ARMH1: variants seen among roughly 807,000 people sequenced by gnomAD.
ARMH1 encodes the protein armadillo-like helical domain containing protein 1.
In ARMH1, 34 loss-of-function variants were observed where a neutral mutation model predicts 50.2. The ratio of observed to expected loss-of-function variants is 0.68; its 90% CI spans 0.51 to 0.90. The LOEUF is 0.90. ARMH1 is among the 40% of genes least tolerant of loss of function. The pLI is 0.00. For missense variants in ARMH1, 538 were observed against 553.9 expected, an observed-to-expected ratio of 0.97 and a Z score of 0.29; for synonymous variants, 221 against 224.2, an observed-to-expected ratio of 0.99 and a Z score of 0.13.
intron 3 of ARMH1, 42 bp from the exon 4 acceptor site, chr1:44,698,021 T>C: frequency 1.3e-6 from 2 of 1,481,622 alleles, no homozygotes; most frequent in Non-Finnish European, 1.8e-6. Flanking sequence ...GCAAAGGAAC[T>C]TGACAAGAGT....
At chr1:44,712,571 T>G (rs1646661891) in intron 6 of ARMH1, among the ~76,000 whole-genome samples, 1 of 149,864 alleles carries the variant, frequency 6.7e-6, no homozygotes, top group Admixed American at 6.6e-5. Context: ...CAGACAACAT[T>G]GTTAAGATTA....
chr1:44,707,153 A>G (rs1646381251), intron 6 of ARMH1, among the ~76,000 whole-genome samples: 1 of 145,646 alleles, frequency 6.9e-6, no homozygotes, highest in Non-Finnish European at 1.5e-5. Context: ...TTCCCCTTAC[A>G]TAGACTGTGT....
chr1:44,698,276 A>T, intron 4 of ARMH1, 47 bp downstream of exon 4: 2 of 1,479,768 alleles, frequency 1.4e-6, no homozygotes, highest in South Asian at 1.4e-5. Context: ...GGCCTGAATG[A>T]CATGGTGGCA....
At chr1:44,718,852 C>T (rs554718332) in intron 6 of ARMH1, among the ~76,000 whole-genome samples, 3 of 151,990 alleles carry the variant, frequency 2.0e-5, no homozygotes, top group South Asian at 2.1e-4. Context: ...TGGAGAAACC[C>T]GTCTCTACTG....
rs1403452987 is a variant in ARMH1, at chr1:44,689,920, AG to A, written c.206+18del. The stretch of plus-strand genomic sequence containing the variant: ...TAGAATCACGTATCCTTTACTGAAC[AG>A]AAAAAAAAAAATTAGGCACCGGGCA... On this transcript the variant is annotated intron_variant, in intron 2 of 11. Transcript: ENST00000535358. 3 of 1,547,038 alleles carry A rather than the reference AG, an allele frequency of 1.9e-6. No individual in the cohort carries two copies. Among genetic ancestry groups the A allele is most frequent in the Middle Eastern group, 2.2e-4 (1 of 4,506 alleles).
At chr1:44,680,136 G>A (rs1645259885) in intron 1 of ARMH1, among the ~76,000 whole-genome samples, 1 of 152,206 alleles carries the variant, frequency 6.6e-6, no homozygotes, top group Non-Finnish European at 1.5e-5. Context: ...TAATGTGGAA[G>A]TGACTAGAGA....
At chr1:44,704,486 G>C (rs1646246506) in intron 6 of ARMH1, among the ~76,000 whole-genome samples, 2 of 150,884 alleles carry the variant, frequency 1.3e-5, no homozygotes, top group African/African-American at 4.9e-5. Context: ...AAACTGAATA[G>C]TCGTAGTATT....
rs1645373508 is a variant in ARMH1, at chr1:44,683,417, T to C, written c.-22-6259T>C. 6.6e-6 allele frequency among the ~76,000 whole-genome samples: 1 copy of C among 152,212 alleles called. No homozygotes were observed. The highest frequency in any genetic ancestry group is 1.5e-5 in the Non-Finnish European group (1 of 68,042). ...CGCCTATAAATGTAATTTGAAGTGA[T>C]GGGGTGAATGAGGTCACCCAGGGAT... On this transcript the variant is annotated intron_variant, in intron 1 of 11. Transcript: ENST00000535358. The surrounding 1 kb of genome is among the most constrained non-coding windows in gnomAD (Gnocchi z 4.2).
At chr1:44,687,707 C>T (rs1043961629) in intron 1 of ARMH1, among the ~76,000 whole-genome samples, 15 of 152,192 alleles carry the variant, frequency 9.9e-5, no homozygotes, top group Non-Finnish European at 7.3e-5. Context: ...GCATCTCCCA[C>T]GGTACCTTAT....
chr1:44,681,088 G>A lies in ARMH1; in HGVS notation c.-23+6215G>A, dbSNP rs575408948. Among the ~76,000 whole-genome samples the A allele has an allele frequency of 4.0e-5, 6 of 148,824 alleles. No homozygotes were observed. The highest frequency in any genetic ancestry group is 2.1e-4 in the South Asian group (1 of 4,698). On this transcript the variant is annotated intron_variant, in intron 1 of 11. Coordinates refer to ENST00000535358, the MANE Select transcript of ARMH1 (RefSeq NM_001145636.2). The surrounding 1 kb of genome is among the most constrained non-coding windows in gnomAD (Gnocchi z 4.3). ...CGGCTCACTGCAAGCTCCACCTCCCGGGTTCACGCCATTCTCCTGCCTCAG... is the reference window on the plus strand; with the variant it reads ...CGGCTCACTGCAAGCTCCACCTCCCAGGTTCACGCCATTCTCCTGCCTCAG...
Position 44,722,943 on chromosome 1 carries a change from G to A in ARMH1, c.725-1179G>A, listed in dbSNP as rs1240450237. On this transcript the variant is annotated intron_variant, in intron 6 of 11. Transcript: ENST00000535358. The stretch of plus-strand genomic sequence containing the variant: ...AAAAAAATTAGCCGGGTGTGGTGGC[G>A]GGCGCCTGTAATCCCAGCCTACTCG... 2.7e-5 allele frequency among the ~76,000 whole-genome samples: 4 copies of A among 150,218 alleles called. No individual in the cohort carries two copies. In the East Asian group the frequency reaches 5.9e-4, roughly 22 times the overall value.
At chr1:44,706,408 G>A (rs367785773) in intron 6 of ARMH1, among the ~76,000 whole-genome samples, 1 of 152,146 alleles carries the variant, frequency 6.6e-6, no homozygotes, top group East Asian at 1.9e-4. Flanking sequence ...AGCAGGAATG[G>A]TCTGGGCATC....
intron 2 of ARMH1, among the ~76,000 whole-genome samples, chr1:44,692,381 T>G (rs201283929): frequency 1.3e-5 from 2 of 152,218 alleles, no homozygotes; most frequent in African/African-American, 2.4e-5. Context: ...TCCCTTCTTA[T>G]ATATATTCAT....
intron 6 of ARMH1, among the ~76,000 whole-genome samples, chr1:44,714,255 G>T (rs1646748559): frequency 6.8e-6 from 1 of 147,442 alleles, no homozygotes; most frequent in African/African-American, 2.5e-5. Flanking sequence ...GGGTGACAGA[G>T]CGAGACTCCG....
Position 44,697,759 on chromosome 1 carries a change from T to TCACCC in ARMH1, c.276-299_276-295dup, listed in dbSNP as rs568189308. 5.2e-3 allele frequency among the ~76,000 whole-genome samples: 794 copies of TCACCC among 152,280 alleles called. 27 individuals carry two copies. The South Asian group carries it at 0.091, about 17-fold the overall frequency. On this transcript the variant is annotated intron_variant, in intron 3 of 11. Transcript: ENST00000535358. Reference sequence around the variant, plus strand: ...AAGGGTGACATACCCTGTCACCTCCTCACCCCACCAAAACTACATGGCCCA... The same window carrying TCACCC: ...AAGGGTGACATACCCTGTCACCTCCTCACCCCACCCCACCAAAACTACATGGCCCA...
At chr1:44,675,882 C>T (rs751421634) in intron 1 of ARMH1, among the ~76,000 whole-genome samples, 2 of 151,606 alleles carry the variant, frequency 1.3e-5, no homozygotes, top group Non-Finnish European at 2.9e-5. Context: ...ATGGCTTGAA[C>T]CTGGGAGGTA....
intron 6 of ARMH1, among the ~76,000 whole-genome samples, chr1:44,721,075 A>C (rs2148776062): frequency 6.6e-6 from 1 of 152,110 alleles, no homozygotes; most frequent in South Asian, 2.1e-4. Context: ...AAGAAAGAGA[A>C]GGCACTGAGA....
intron 5 of ARMH1, 72 bp from the exon 6 acceptor site, chr1:44,704,017 C>T (rs767318645): frequency 1.5e-6 from 2 of 1,308,246 alleles, no homozygotes; most frequent in Non-Finnish European, 2.1e-6. Context: ...TGAGCCACCG[C>T]ACCCGGCCGG....
Sources: gnomAD v4.1 joint callset for allele counts (sites outside exome capture counted in the v4.1 genomes callset) on GRCh38, gnomAD v4.1.1 for gene constraint, Gnocchi (gnomAD v3.1) non-coding constraint, MANE v1.5 for transcripts, NCBI Gene and HGNC (gene_info 2026-07-23, HGNC 2026-07-21) for gene names.